Variants in GALNT13 observed in about 807,000 individuals in gnomAD.
The protein encoded by GALNT13 is polypeptide N-acetylgalactosaminyltransferase 13, also known as UDP-GalNAc:polypeptide N-acetylgalactosaminyltransferase 13.
GALNT13 carries 28 observed loss-of-function variants against 64.2 expected under a neutral mutation model. The ratio of observed to expected loss-of-function variants is 0.44; its 90% CI spans 0.32 to 0.60. GALNT13 has a LOEUF of 0.60. GALNT13 is among the 20% of genes least tolerant of loss of function. The pLI is 0.05. For missense variants in GALNT13, 577 were observed against 669.8 expected, an observed-to-expected ratio of 0.86 and a Z score of 1.53; for synonymous variants, 214 against 224.6, an observed-to-expected ratio of 0.95 and a Z score of 0.42.
the GALNT13 span, among the ~76,000 whole-genome samples, chr2:153,174,431 C>T: frequency 1.3e-5 from 2 of 151,488 alleles, no homozygotes; most frequent in Admixed American, 6.6e-5. Flanking sequence ...AGTTTTCCAG[C>T]AATAACATTG....
chr2:153,779,721 T>C, the GALNT13 span, among the ~76,000 whole-genome samples: 1 of 152,140 alleles, frequency 6.6e-6, no homozygotes, highest in Non-Finnish European at 1.5e-5. Flanking sequence ...TAATTTCTCA[T>C]GAGTGATGGT....
chr2:153,129,662 A>T, the GALNT13 span, among the ~76,000 whole-genome samples: 6 of 152,018 alleles, frequency 3.9e-5, no homozygotes, highest in African/African-American at 1.4e-4. Context: ...AGTCCCAGCT[A>T]CTCAGGGGGC....
At chr2:153,637,734 G>A in the GALNT13 span, among the ~76,000 whole-genome samples, 1 of 152,260 alleles carries the variant, frequency 6.6e-6, no homozygotes, top group South Asian at 2.1e-4. Flanking sequence ...TATAATCTGT[G>A]TATGTGTGGA....
chr2:153,444,930 C>G, the GALNT13 span, among the ~76,000 whole-genome samples: 4 of 151,974 alleles, frequency 2.6e-5, no homozygotes, highest in African/African-American at 9.7e-5. Flanking sequence ...GAATAAATAC[C>G]AAGAATTTAG....
At chr2:154,394,210 TGCCAG>T (rs926227020) in intron 9 of GALNT13, among the ~76,000 whole-genome samples, 3 of 151,792 alleles carry the variant, frequency 2.0e-5, no homozygotes, top group African/African-American at 7.3e-5. Flanking sequence ...GTGACCCATG[TGCCAG>T]AACCAGCTCA....
intron 8 of GALNT13, among the ~76,000 whole-genome samples, chr2:154,270,029 T>C (rs551494838): frequency 4.3e-4 from 64 of 150,204 alleles, no homozygotes; most frequent in African/African-American, 1.4e-3. Flanking sequence ...TTATTTTGAA[T>C]ATTAACTGCT....
chr2:154,432,777 A>G (rs1700767025), intron 11 of GALNT13, among the ~76,000 whole-genome samples: 1 of 152,144 alleles, frequency 6.6e-6, no homozygotes, highest in African/African-American at 2.4e-5. Flanking sequence ...TTAAGGGCCC[A>G]TCTTACTCCA....
At chr2:153,316,661 T>C in the GALNT13 span, among the ~76,000 whole-genome samples, 1 of 95,332 alleles carries the variant, frequency 1.0e-5, no homozygotes, top group Non-Finnish European at 2.4e-5. Context: ...AAAAAAAAAT[T>C]TGTACAACGT....
At chr2:154,424,005 A>G (rs1034405735) in intron 11 of GALNT13, among the ~76,000 whole-genome samples, 1 of 152,174 alleles carries the variant, frequency 6.6e-6, no homozygotes, top group African/African-American at 2.4e-5. Context: ...GAAAAATTCA[A>G]ACTGAGAGAT....
intron 10 of GALNT13, among the ~76,000 whole-genome samples, chr2:154,404,056 G>A (rs1390973677): frequency 2.0e-5 from 3 of 152,026 alleles, no homozygotes; most frequent in Admixed American, 2.0e-4. Context: ...CCCTGTGGCA[G>A]GTTTCCTAAA....
chr2:154,218,994 G>A (rs1367141393), intron 4 of GALNT13, among the ~76,000 whole-genome samples: 1 of 151,858 alleles, frequency 6.6e-6, no homozygotes. Flanking sequence ...GTTCCTCATT[G>A]GGTATCTCTT....
At chr2:154,291,069 C>T (rs1574029415) in intron 8 of GALNT13, among the ~76,000 whole-genome samples, 1 of 152,108 alleles carries the variant, frequency 6.6e-6, no homozygotes, top group Non-Finnish European at 1.5e-5. Context: ...AGCAAAAGAA[C>T]AAACCTTCCA....
chr2:153,758,385 A>C, the GALNT13 span, among the ~76,000 whole-genome samples: 1 of 150,810 alleles, frequency 6.6e-6, no homozygotes, highest in Non-Finnish European at 1.5e-5. Context: ...TGTTTTAATT[A>C]CTATCATTTT....
chr2:153,587,186 T>C, the GALNT13 span, among the ~76,000 whole-genome samples: 11 of 149,798 alleles, frequency 7.3e-5, no homozygotes, highest in African/African-American at 2.2e-4. Context: ...GTGAGCCAGA[T>C]TGCACCACAG....
chr2:153,396,832 T>C, the GALNT13 span, among the ~76,000 whole-genome samples: 19 of 152,274 alleles, frequency 1.2e-4, no homozygotes, highest in African/African-American at 4.6e-4. Flanking sequence ...TAGGAACATT[T>C]GATTCCCTCT....
the GALNT13 span, among the ~76,000 whole-genome samples, chr2:153,648,496 C>A: frequency 6.6e-6 from 1 of 152,132 alleles, no homozygotes; most frequent in Non-Finnish European, 1.5e-5. Context: ...GAACTTCCAA[C>A]ACTATGTTGA....
At chr2:153,172,090 T>A in the GALNT13 span, 1 of 152,198 alleles carries the variant, frequency 6.6e-6, no homozygotes, top group Non-Finnish European at 1.5e-5. Context: ...GTGAACCACT[T>A]CGGATTGACT....
chr2:154,021,174 G>T (rs1044260790), intron 3 of GALNT13, among the ~76,000 whole-genome samples: 3 of 152,136 alleles, frequency 2.0e-5, no homozygotes, highest in Non-Finnish European at 2.9e-5. Flanking sequence ...GGATTGACTT[G>T]GCGATGCGGG....
the GALNT13 span, among the ~76,000 whole-genome samples, chr2:153,260,158 A>G: frequency 6.6e-6 from 1 of 152,112 alleles, no homozygotes; most frequent in East Asian, 1.9e-4. Flanking sequence ...ATCCTATTAT[A>G]TGGTCTATGT....
Sources: gnomAD v4.1 joint callset for allele counts (sites outside exome capture counted in the v4.1 genomes callset) on GRCh38, gnomAD v4.1.1 for gene constraint, MANE v1.5 for transcripts, NCBI Gene and HGNC (gene_info 2026-07-23, HGNC 2026-07-21) for gene names.